The following DLC1 variants were observed in gnomAD, a reference collection of about 807,000 sequenced individuals.
DLC1 encodes DLC1 Rho GTPase activating protein.
DLC1 carries 54 observed loss-of-function variants against 140.3 expected under a neutral mutation model. The observed-to-expected ratio is 0.38, with a 90% CI of 0.31 to 0.48. DLC1 has a LOEUF of 0.48. Among genes scored for constraint, DLC1 ranks in the 20% least tolerant of loss-of-function variants. DLC1 has a pLI of 0.96. For missense variants in DLC1, 2,536 were observed against 1,907.0 expected, an observed-to-expected ratio of 1.33 and a Z score of -6.14; for synonymous variants, 986 against 728.1, an observed-to-expected ratio of 1.35 and a Z score of -5.70.
At position 13,096,571 on chromosome 8, in the gene DLC1, A is replaced by G. The variant is rs571721477; in HGVS notation, c.3168-1326T>C. ...CGACGGCGGAATGTGAAAAGAACAC[A>G]TTACGATCCCCACCGAGAATCTGAA... On this transcript the variant is annotated intron_variant, in intron 10 of 17. Coordinates refer to ENST00000276297, the MANE Select transcript of DLC1 (RefSeq NM_182643.3). Among the ~76,000 whole-genome samples, 77 of 150,444 alleles carry G rather than the reference A, an allele frequency of 5.1e-4. No homozygotes were observed. In the South Asian group the frequency reaches 0.015, roughly 28 times the overall value.
chr8:13,243,915 C>G (rs1008435651), intron 5 of DLC1, among the ~76,000 whole-genome samples: 6 of 152,134 alleles, frequency 3.9e-5, no homozygotes, highest in African/African-American at 1.4e-4. Context: ...CATATATGCA[C>G]CTGTCCTGGG....
intron 1 of DLC1, among the ~76,000 whole-genome samples, chr8:13,589,676 T>C (rs890943093): frequency 2.4e-5 from 3 of 125,010 alleles, no homozygotes; most frequent in Non-Finnish European, 5.2e-5. Flanking sequence ...CCCAGTTCTA[T>C]ATAGAATGCT....
chr8:13,156,336 G>A (rs1379349002), intron 5 of DLC1, among the ~76,000 whole-genome samples: 1 of 151,156 alleles, frequency 6.6e-6, no homozygotes, highest in African/African-American at 2.5e-5. Flanking sequence ...ACATAGTTTT[G>A]TTTTGTTCTG....
At chr8:13,124,702 A>T (rs1821406817) in intron 5 of DLC1, among the ~76,000 whole-genome samples, 1 of 152,200 alleles carries the variant, frequency 6.6e-6, no homozygotes, top group African/African-American at 2.4e-5. Flanking sequence ...TTCATCTATA[A>T]AACCTGCGCT....
chr8:13,150,917 G>A (rs747570266), intron 5 of DLC1, among the ~76,000 whole-genome samples: 1 of 152,212 alleles, frequency 6.6e-6, no homozygotes. Flanking sequence ...AAGCTCAGAT[G>A]TTTTAAAGAA....
chr8:13,537,130 A>T (rs1257250499), intron 1 of DLC1, among the ~76,000 whole-genome samples: 1 of 152,190 alleles, frequency 6.6e-6, no homozygotes, highest in African/African-American at 2.4e-5. Flanking sequence ...TACATTAAAA[A>T]AAAACCACTA....
intron 1 of DLC1, among the ~76,000 whole-genome samples, chr8:13,578,711 T>C (rs1223203108): frequency 6.6e-6 from 1 of 152,096 alleles, no homozygotes; most frequent in Non-Finnish European, 1.5e-5. Context: ...AAGAAACAGA[T>C]GAAGAGATGC....
chr8:13,320,408 A>G lies in DLC1; in HGVS notation c.1315-15106T>C, dbSNP rs537754374. Reference sequence around the variant, plus strand: ...TGGGTACCACTTCATCTAATTATCTATCTTTTGGAATTAACAAAAGAAAGC... The same window carrying G: ...TGGGTACCACTTCATCTAATTATCTGTCTTTTGGAATTAACAAAAGAAAGC... On this transcript the variant is annotated intron_variant, in intron 4 of 17. Transcript: ENST00000276297. Among the ~76,000 whole-genome samples, 30 of 152,298 alleles carry G rather than the reference A, an allele frequency of 2.0e-4. No homozygotes were observed. The South Asian group carries it at 5.8e-3, about 29-fold the overall frequency.
At chr8:13,122,737 G>A (rs1821202646) in intron 5 of DLC1, among the ~76,000 whole-genome samples, 2 of 148,116 alleles carry the variant, frequency 1.4e-5, no homozygotes, top group South Asian at 4.3e-4. Context: ...ATTTTCACCA[G>A]CAACTGACAG....
rs1297561925 is a variant in DLC1 at position 13,115,579 on chromosome 8, A to G, written c.1420+7T>C. On this transcript the variant is annotated splice_region_variant and intron_variant, in intron 6 of 17. Transcript: ENST00000276297. ...CCAACTTTTAAAAAGTGGCATTCCC[A>G]GCTTACCTTCATAAAGCTGTGCATA... The G allele has an allele frequency of 6.2e-7, 1 of 1,612,298 alleles. No individual in the cohort carries two copies. Among genetic ancestry groups the G allele is most frequent in the African/African-American group, 1.3e-5 (1 of 74,980 alleles).
At chr8:13,266,265 C>T (rs1429272425) in intron 5 of DLC1, among the ~76,000 whole-genome samples, 1 of 152,206 alleles carries the variant, frequency 6.6e-6, no homozygotes, top group Non-Finnish European at 1.5e-5. Context: ...GTTCCATCTA[C>T]AAGGGAAGCA....
At chr8:13,471,436 T>G (rs1266153102) in intron 2 of DLC1, among the ~76,000 whole-genome samples, 1 of 150,038 alleles carries the variant, frequency 6.7e-6, no homozygotes, top group African/African-American at 2.5e-5. Flanking sequence ...TATATACAAT[T>G]TATGTTGTGG....
chr8:13,181,607 A>G, intron 5 of DLC1, among the ~76,000 whole-genome samples: 1 of 148,932 alleles, frequency 6.7e-6, no homozygotes, highest in Non-Finnish European at 1.5e-5. Context: ...TGTCCTTGTG[A>G]TAGTTTGCTG....
intron 2 of DLC1, among the ~76,000 whole-genome samples, chr8:13,479,864 A>G (rs1252960577): frequency 0.056 from 794 of 14,176 alleles, 52 homozygotes; most frequent in Middle Eastern, 0.19. Context: ...AAGAAGAGAA[A>G]AAGAAAGAAA....
chr8:13,129,920 T>C (rs1490542482), intron 5 of DLC1, among the ~76,000 whole-genome samples: 1 of 152,198 alleles, frequency 6.6e-6, no homozygotes, highest in Non-Finnish European at 1.5e-5. Flanking sequence ...GGGTCTTTTA[T>C]TTTTGCATGG....
Position 13,115,747 on chromosome 8 carries a change from C to G in DLC1, c.1349-90G>C, listed in dbSNP as rs1009734750. ...ATAAGCTTTCGTTTTATGATACAAG[C>G]AAAACATGACTGCCATAGAAAATAC... On this transcript the variant is annotated intron_variant, in intron 5 of 17. Coordinates refer to ENST00000276297, the MANE Select transcript of DLC1 (RefSeq NM_182643.3). 8 of 1,146,282 alleles carry G rather than the reference C, an allele frequency of 7.0e-6. No individual in the cohort carries two copies. In the Admixed American group the frequency reaches 1.5e-4, roughly 22 times the overall value. 71.0% of individuals were successfully genotyped at this position (1,146,282 alleles called of 1,614,324 possible).
intron 5 of DLC1, among the ~76,000 whole-genome samples, chr8:13,301,502 C>T (rs1832188850): frequency 6.6e-6 from 1 of 152,202 alleles, no homozygotes; most frequent in South Asian, 2.1e-4. Flanking sequence ...TTGTACCAAG[C>T]ATTGTTGCCT....
intron 5 of DLC1, among the ~76,000 whole-genome samples, chr8:13,255,866 G>T (rs1228163930): frequency 6.6e-6 from 1 of 152,202 alleles, no homozygotes; most frequent in African/African-American, 2.4e-5. Context: ...TTAAATGAAA[G>T]AATATTGCCC....
At chr8:13,497,721 C>G (rs1228077275) in intron 2 of DLC1, among the ~76,000 whole-genome samples, 1 of 152,104 alleles carries the variant, frequency 6.6e-6, no homozygotes, top group Non-Finnish European at 1.5e-5. Context: ...ACAGCATTCC[C>G]TCAAACAGAT....
Sources: allele counts gnomAD v4.1 joint callset (sites outside exome capture counted in the v4.1 genomes callset), GRCh38; gene constraint gnomAD v4.1.1; transcripts MANE v1.5; gene names NCBI Gene and HGNC (gene_info 2026-07-23, HGNC 2026-07-21).